The following PARD3B variants were observed in gnomAD, a reference collection of about 807,000 sequenced individuals.
PARD3B encodes the protein par-3 family cell polarity regulator beta.
PARD3B carries 103 observed loss-of-function variants against 130.2 expected under a neutral mutation model. That is an observed-to-expected ratio of 0.79 (90% CI 0.67 to 0.93). The LOEUF is 0.93. PARD3B is among the 40% of genes least tolerant of loss of function. The pLI is 0.00. For synonymous variants in PARD3B, 583 were observed against 553.2 expected (o/e 1.05, Z -0.76); for missense variants, 1,609 against 1,499.2 (o/e 1.07, Z -1.21).
chr2:204,726,216 T>G (rs562447022), intron 2 of PARD3B, among the ~76,000 whole-genome samples: 1 of 152,312 alleles, frequency 6.6e-6, no homozygotes, highest in South Asian at 2.1e-4. Context: ...AATGTACCTT[T>G]TCTTATGAAG....
intron 2 of PARD3B, among the ~76,000 whole-genome samples, chr2:204,918,262 A>T (rs1029793938): frequency 3.3e-5 from 5 of 152,204 alleles, no homozygotes; most frequent in South Asian, 4.1e-4. Flanking sequence ...TTTTTTCCAC[A>T]TTATAATGCT....
chr2:204,635,652 A>C (rs1363105563), intron 1 of PARD3B, among the ~76,000 whole-genome samples: 1 of 152,162 alleles, frequency 6.6e-6, no homozygotes, highest in African/African-American at 2.4e-5. Context: ...TCCATGTATC[A>C]TATCACTGTA....
intron 20 of PARD3B, among the ~76,000 whole-genome samples, chr2:205,478,032 C>T (rs1033015740): frequency 1.3e-5 from 2 of 152,188 alleles, no homozygotes; most frequent in African/African-American, 2.4e-5. Flanking sequence ...TTGGGGAAGC[C>T]CCACTCCACT....
chr2:205,313,901 C>T (rs1381898307), intron 18 of PARD3B, among the ~76,000 whole-genome samples: 2 of 152,108 alleles, frequency 1.3e-5, no homozygotes, highest in East Asian at 3.9e-4. Context: ...GTTAAATATG[C>T]TTATTTAAGA....
chr2:204,753,939 T>C (rs2040565045), intron 2 of PARD3B, among the ~76,000 whole-genome samples: 1 of 152,118 alleles, frequency 6.6e-6, no homozygotes, highest in East Asian at 1.9e-4. Flanking sequence ...GCAGTGTTAT[T>C]AAGCATTGGC....
At chr2:205,580,798 T>C (rs1006492523) in intron 22 of PARD3B, among the ~76,000 whole-genome samples, 11 of 152,156 alleles carry the variant, frequency 7.2e-5, no homozygotes, top group Non-Finnish European at 2.9e-5. Context: ...TGGTGAGTCA[T>C]GAGAAGGCAC....
chr2:204,844,230 A>C (rs1054826332), intron 2 of PARD3B, among the ~76,000 whole-genome samples: 1 of 152,132 alleles, frequency 6.6e-6, no homozygotes. Flanking sequence ...ATTTCTGTAC[A>C]AAAGTTACTT....
intron 21 of PARD3B, among the ~76,000 whole-genome samples, chr2:205,535,268 T>C (rs1360152145): frequency 6.6e-6 from 1 of 152,172 alleles, no homozygotes; most frequent in South Asian, 2.1e-4. Flanking sequence ...ACTCCGTCCT[T>C]GTGCAGCTGT....
In PARD3B at chr2:204,965,256, C is replaced by T. The variant is rs1194797808; in HGVS notation, c.327C>T (p.Ala109=). ...QSPDAFETEV[A]AQLAAFKPIG... ...CAGATGCTTTTGAGACAGAAGTGGC[C>T]GCCCAACTGGCCGCATTTAAGCCAA... Residue 109 remains alanine (A), a synonymous_variant, in exon 3 of 23, where the codon GCC becomes GCT. Coordinates refer to ENST00000406610, the MANE Select transcript of PARD3B (RefSeq NM_001302769.2). 1.9e-6 allele frequency: 3 copies of T among 1,613,846 alleles called. No individual in the cohort carries two copies. The highest frequency in any genetic ancestry group is 2.5e-6 in the Non-Finnish European group (3 of 1,179,904).
intron 3 of PARD3B, among the ~76,000 whole-genome samples, chr2:205,042,440 A>C (rs1278050208): frequency 1.3e-5 from 2 of 152,172 alleles, no homozygotes; most frequent in Non-Finnish European, 2.9e-5. Context: ...ATGTGGTATA[A>C]GTCCTGAATG....
At chr2:205,206,048 A>G (rs1398861200) in intron 15 of PARD3B, among the ~76,000 whole-genome samples, 1 of 152,128 alleles carries the variant, frequency 6.6e-6, no homozygotes, top group Non-Finnish European at 1.5e-5. Context: ...TACCTCTGGT[A>G]GAGTTCGGCT....
chr2:205,584,593 G>T lies in PARD3B; in HGVS notation c.3261-30863G>T, dbSNP rs182537120. 1.3e-5 allele frequency among the ~76,000 whole-genome samples: 2 copies of T among 152,040 alleles called. No homozygotes were observed. The highest frequency in any genetic ancestry group is 4.8e-5 in the African/African-American group (2 of 41,388). ...CTCGGGAGGCTGAGGCAGGAGAATC[G>T]CTTGAACCCGGGAGGCAGAGGTTGC... On this transcript the variant is annotated intron_variant, in intron 22 of 22. Transcript: ENST00000406610. The surrounding 1 kb of genome is among the most constrained non-coding windows in gnomAD (Gnocchi z 5.5).
At chr2:205,073,628 G>A (rs1245554041) in intron 4 of PARD3B, among the ~76,000 whole-genome samples, 2 of 152,132 alleles carry the variant, frequency 1.3e-5, no homozygotes, top group African/African-American at 4.8e-5. Context: ...TTTGTACAAA[G>A]TAGGATAAAC....
intron 2 of PARD3B, among the ~76,000 whole-genome samples, 199 bp downstream of exon 2, chr2:204,686,481 G>A (rs2037092761): frequency 1.3e-5 from 2 of 152,144 alleles, no homozygotes; most frequent in Admixed American, 1.3e-4. Flanking sequence ...GAATCTGTTT[G>A]TGTTGGCCTA....
At chr2:204,790,961 T>C (rs969902141) in intron 2 of PARD3B, among the ~76,000 whole-genome samples, 2 of 151,938 alleles carry the variant, frequency 1.3e-5, no homozygotes, top group African/African-American at 2.4e-5. Flanking sequence ...AAAAATTAGC[T>C]GGACACAGTG....
intron 21 of PARD3B, among the ~76,000 whole-genome samples, chr2:205,508,604 A>G (rs1034022264): frequency 6.6e-6 from 1 of 151,112 alleles, no homozygotes; most frequent in Non-Finnish European, 1.5e-5. Flanking sequence ...GTATGTGTCC[A>G]TAGACTCCTG....
intron 20 of PARD3B, among the ~76,000 whole-genome samples, chr2:205,443,208 T>G (rs2106169005): frequency 6.6e-6 from 1 of 152,346 alleles, no homozygotes; most frequent in East Asian, 1.9e-4. Context: ...TGTGCCCAGA[T>G]AAGTCTAAGA....
intron 15 of PARD3B, among the ~76,000 whole-genome samples, chr2:205,236,879 T>C (rs1428625059): frequency 6.7e-6 from 1 of 150,216 alleles, no homozygotes; most frequent in Non-Finnish European, 1.5e-5. Flanking sequence ...TAATGAAAGT[T>C]TTATACACAT....
At chr2:204,918,691 G>T (rs1179932245) in intron 2 of PARD3B, among the ~76,000 whole-genome samples, 1 of 151,592 alleles carries the variant, frequency 6.6e-6, no homozygotes, top group Non-Finnish European at 1.5e-5. Flanking sequence ...TGTAAAATTT[G>T]CAAAGGTTAT....
Sources: gnomAD v4.1 joint callset for allele counts (sites outside exome capture counted in the v4.1 genomes callset) on GRCh38, gnomAD v4.1.1 for gene constraint, Gnocchi (gnomAD v3.1) non-coding constraint, MANE v1.5 for transcripts, NCBI Gene and HGNC (gene_info 2026-07-23, HGNC 2026-07-21) for gene names.